TAS2R1: variants seen among roughly 807,000 people sequenced by gnomAD.
TAS2R1 encodes taste 2 receptor member 1, also known as taste receptor type 2 member 1.
For missense variants in TAS2R1, 370 were observed against 353.4 expected (o/e 1.05, Z -0.38); for synonymous variants, 141 against 134.2 (o/e 1.05, Z -0.35).
chr5:9,733,063 C>T, the TAS2R1 span, among the ~76,000 whole-genome samples: 1 of 152,206 alleles, frequency 6.6e-6, no homozygotes, highest in East Asian at 1.9e-4. Flanking sequence ...TTCACAGCAA[C>T]ACCTAGATTT....
At position 9,635,422 on chromosome 5, in the gene TAS2R1, C is replaced by G. The variant is rs141204732; in HGVS notation, c.-80-5430G>C. On this transcript the variant is annotated intron_variant, in intron 2 of 2. Transcript: ENST00000506620. Reference sequence around the variant, plus strand: ...CTGTAGTTTGCTTTTTTTGTTATGTCCTTTCCTGGTTTTGACATTAGGGTG... The same window carrying G: ...CTGTAGTTTGCTTTTTTTGTTATGTGCTTTCCTGGTTTTGACATTAGGGTG... 1.1e-4 allele frequency among the ~76,000 whole-genome samples: 16 copies of G among 152,004 alleles called. No homozygotes were observed. The East Asian group carries it at 1.2e-3, about 11-fold the overall frequency.
chr5:9,706,468 G>GGT (rs1430383338), intron 1 of TAS2R1, among the ~76,000 whole-genome samples: 1 of 152,246 alleles, frequency 6.6e-6, no homozygotes, highest in African/African-American at 2.4e-5. Flanking sequence ...CATGGTTCCA[G>GGT]GTGCTCTGTC....
At chr5:9,644,808 T>C (rs1256198839) in intron 2 of TAS2R1, among the ~76,000 whole-genome samples, 3 of 152,156 alleles carry the variant, frequency 2.0e-5, no homozygotes, top group Non-Finnish European at 4.4e-5. Flanking sequence ...TGTGGAAGGA[T>C]GCCCTGACGA....
chr5:9,843,087 G>A, the TAS2R1 span, among the ~76,000 whole-genome samples: 1 of 152,140 alleles, frequency 6.6e-6, no homozygotes, highest in South Asian at 2.1e-4. Flanking sequence ...CTTTTATGCA[G>A]GACTCTTTTC....
At chr5:9,758,254 T>A in the TAS2R1 span, among the ~76,000 whole-genome samples, 1 of 152,220 alleles carries the variant, frequency 6.6e-6, no homozygotes, top group Non-Finnish European at 1.5e-5. Context: ...CCTAATTTAT[T>A]AATATCTCCT....
chr5:9,848,023 C>T, the TAS2R1 span, among the ~76,000 whole-genome samples: 210 of 152,310 alleles, frequency 1.4e-3, 10 homozygotes, highest in East Asian at 0.035. Flanking sequence ...TGTGTTTGAA[C>T]ACTCCCTCCA....
At chr5:9,804,375 A>C in the TAS2R1 span, among the ~76,000 whole-genome samples, 1 of 152,270 alleles carries the variant, frequency 6.6e-6, no homozygotes, top group Admixed American at 6.5e-5. Context: ...GACTTAAATC[A>C]TACCCCACAA....
At chr5:9,781,286 T>G in the TAS2R1 span, among the ~76,000 whole-genome samples, 58 of 152,328 alleles carry the variant, frequency 3.8e-4, no homozygotes, top group African/African-American at 1.4e-3. Context: ...CTGAAAATGT[T>G]AGAATCATCC....
chr5:9,723,460 T>C, the TAS2R1 span, among the ~76,000 whole-genome samples: 3 of 152,250 alleles, frequency 2.0e-5, no homozygotes, highest in East Asian at 5.8e-4. Flanking sequence ...GGCCAACTCC[T>C]CTCAACTCCT....
intron 1 of TAS2R1, among the ~76,000 whole-genome samples, chr5:9,687,011 C>A (rs192244046): frequency 0.013 from 1,992 of 152,200 alleles, 40 homozygotes; most frequent in African/African-American, 0.045. Flanking sequence ...GTTGCCCAGG[C>A]TGGAGTGCAA....
intron 1 of TAS2R1, among the ~76,000 whole-genome samples, chr5:9,701,123 A>G (rs1316945319): frequency 6.6e-6 from 1 of 152,104 alleles, no homozygotes; most frequent in Non-Finnish European, 1.5e-5. Flanking sequence ...AGTGGGCAGA[A>G]CAAATTATAT....
the TAS2R1 span, among the ~76,000 whole-genome samples, chr5:9,776,627 T>C: frequency 1.3e-5 from 2 of 152,142 alleles, no homozygotes; most frequent in African/African-American, 2.4e-5. Flanking sequence ...TGAAGCCCTG[T>C]TTTACTCACT....
At chr5:9,842,312 C>CTTTTTTTTTTTTTTTTTTTTTTTTTT in the TAS2R1 span, among the ~76,000 whole-genome samples, 3 of 120,378 alleles carry the variant, frequency 2.5e-5, 1 homozygote, top group African/African-American at 6.0e-5. Context: ...GTCTTTCTTT[C>CTTTTTTTTTTTTTTTTTTTTTTTTTT]TCTCTTTTTT....
chr5:9,692,956 A>G lies in TAS2R1; in HGVS notation c.-242+19216T>C, dbSNP rs142425738. On this transcript the variant is annotated intron_variant, in intron 1 of 2. Coordinates refer to the TAS2R1 transcript ENST00000506620. ...CGGCTCATTTGGTTTATCTCTCTCT[A>G]TGGAGTTTTCCTCTCTCTTTTCCTC... 3.7e-4 allele frequency among the ~76,000 whole-genome samples: 56 copies of G among 152,080 alleles called. No individual in the cohort carries two copies. The East Asian group carries it at 4.3e-3, about 12-fold the overall frequency.
the TAS2R1 span, among the ~76,000 whole-genome samples, chr5:9,782,848 C>G: frequency 7.2e-5 from 11 of 151,966 alleles, no homozygotes; most frequent in Non-Finnish European, 1.6e-4. Context: ...TATCTGAAAA[C>G]CAATGGAGCA....
At chr5:9,750,313 C>T in the TAS2R1 span, among the ~76,000 whole-genome samples, 1 of 152,176 alleles carries the variant, frequency 6.6e-6, no homozygotes, top group Non-Finnish European at 1.5e-5. Context: ...CCAGAGTACA[C>T]CACCATCCTG....
At chr5:9,773,337 T>C in the TAS2R1 span, among the ~76,000 whole-genome samples, 21 of 152,276 alleles carry the variant, frequency 1.4e-4, no homozygotes, top group East Asian at 4.1e-3. Flanking sequence ...TTTAACTTTT[T>C]TTTTGTTCTA....
the TAS2R1 span, among the ~76,000 whole-genome samples, chr5:9,810,386 G>T: frequency 1.3e-5 from 2 of 152,106 alleles, no homozygotes; most frequent in African/African-American, 4.8e-5. Context: ...ACTTCACCAC[G>T]CTTGGGATTT....
chr5:9,796,500 T>C, the TAS2R1 span, among the ~76,000 whole-genome samples: 268 of 152,224 alleles, frequency 1.8e-3, no homozygotes, highest in African/African-American at 5.8e-3. Flanking sequence ...GTCTGGGTTT[T>C]AGCACTGAAA....
Sources: allele counts gnomAD v4.1 joint callset (sites outside exome capture counted in the v4.1 genomes callset), GRCh38; gene constraint gnomAD v4.1.1; transcripts MANE v1.5; gene names NCBI Gene and HGNC (gene_info 2026-07-23, HGNC 2026-07-21).